The following UPK3B variants were observed in gnomAD, a reference collection of about 807,000 sequenced individuals.
UPK3B encodes the protein uroplakin-3b.
UPK3B carries 21 observed loss-of-function variants against 27.6 expected under a neutral mutation model. That is an observed-to-expected ratio of 0.76 (90% CI 0.54 to 1.10). The LOEUF is 1.10. Ranked by LOEUF, UPK3B falls within the 50% of genes least tolerant of loss-of-function variation. The pLI is 0.00. For synonymous variants in UPK3B, 141 were observed against 162.3 expected (o/e 0.87, Z 1.00); for missense variants, 306 against 376.1 (o/e 0.81, Z 1.54).
At chr7:76,513,204 C>T (rs374633537) in intron 4 of UPK3B, 41 bp downstream of exon 4, 30 of 1,579,556 alleles carry the variant, frequency 1.9e-5, no homozygotes, top group East Asian at 4.5e-5. Flanking sequence ...AGTGGACTCA[C>T]GATCTCTCTG....
chr7:76,510,689 C>G lies in UPK3B; in HGVS notation c.37C>G (p.Gln13Glu). 6.7e-7 allele frequency: 1 copy of G among 1,502,242 alleles called. No homozygotes were observed. The highest frequency in any genetic ancestry group is 8.9e-7 in the Non-Finnish European group (1 of 1,123,320). The allele number at this position is 1,502,242 out of a possible 1,614,324, so 93.1% of individuals were successfully genotyped here. A position where few individuals can be genotyped will look rare whatever the true frequency, so the allele number is the denominator to read the frequency against. The change falls in exon 1 of 6, where the codon CAG (glutamine) becomes GAG (glutamate). Residue 13 changes from glutamine (Q) to glutamate (E), a missense_variant. Around this residue, in one of 4 missense-constraint regions of UPK3B, gnomAD observed 33 missense variants for 30.9 expected, o/e 1.07. Coordinates refer to ENST00000334348, the MANE Select transcript of UPK3B (RefSeq NM_001347684.2). ...CTGGGGGCAGCCTCACCTAGGGCTG[C>G]AGATGCTCCTCCTGGCGTTGAACTG... ...LPWGQPHLGL[Q>E]MLLLALNCLR...
intron 5 of UPK3B, 130 bp from the exon 6 acceptor site, chr7:76,514,905 CAAAAAAAAAA>C: frequency 4.1e-6 from 4 of 970,222 alleles, no homozygotes; most frequent in Non-Finnish European, 5.6e-6. Context: ...GACTCCATCT[CAAAAAAAAAA>C]AAAAAAAAAG....
chr7:76,514,987 C>T, intron 5 of UPK3B, 58 bp from the exon 6 acceptor site: 1 of 1,537,324 alleles, frequency 6.5e-7, no homozygotes, highest in Middle Eastern at 1.7e-4. Flanking sequence ...GGCCTTGACC[C>T]AGCACGTGCC....
Position 76,510,982 on chromosome 7 carries a change from G to A in UPK3B, c.165G>A (p.Gln55=), listed in dbSNP as rs544707696. 383 of 1,583,350 alleles carry A rather than the reference G, an allele frequency of 2.4e-4. 4 individuals carry two copies. The South Asian group carries it at 4.1e-3, about 17-fold the overall frequency. The part of the protein sequence containing the change: ...KVTATTFSLE[Q]PRCVFDGLAS... ...CAGCCACCACCTTCTCCCTGGAGCA[G>A]CCGCGCTGTGTCTTCGATGGGCTTG... Residue 55 remains glutamine, a synonymous_variant, in exon 2 of 6, where the codon CAG becomes CAA. Transcript: ENST00000334348.
intron 3 of UPK3B, 54 bp from the exon 4 acceptor site, chr7:76,513,030 G>A: frequency 6.6e-7 from 1 of 1,505,356 alleles, no homozygotes; most frequent in Non-Finnish European, 9.1e-7. Context: ...CCTGCCCAGG[G>A]TGGTCCCAGC....
chr7:76,511,013 G>C lies in UPK3B; in HGVS notation c.196G>C (p.Ala66Pro). 6.3e-7 allele frequency: 1 copy of C among 1,598,584 alleles called. No homozygotes were observed. The highest frequency in any genetic ancestry group is 8.5e-7 in the Non-Finnish European group (1 of 1,173,300). ...CTGTGTCTTCGATGGGCTTGCCAGCGCCAGCGATACCGTCTGGCTCGTGGT... is the reference window on the plus strand; with the variant it reads ...CTGTGTCTTCGATGGGCTTGCCAGCCCCAGCGATACCGTCTGGCTCGTGGT... ...PRCVFDGLASASDTVWLVVAF... is the reference protein window; with the variant it reads ...PRCVFDGLASPSDTVWLVVAF... Residue 66 changes from alanine to proline, a missense_variant, in exon 2 of 6, where the codon GCC (alanine) becomes CCC (proline). By Grantham distance (27) the Ala-to-Pro change is conservative. Transcript: ENST00000334348.
intron 4 of UPK3B, among the ~76,000 whole-genome samples, chr7:76,513,532 A>G (rs1242742574): frequency 6.6e-6 from 1 of 151,962 alleles, no homozygotes; most frequent in African/African-American, 2.4e-5. Flanking sequence ...AGCAGACCCC[A>G]AGGGGCAAGC....
At chr7:76,514,488 C>T (rs545938235) in intron 5 of UPK3B, among the ~76,000 whole-genome samples, 17 of 152,294 alleles carry the variant, frequency 1.1e-4, no homozygotes, top group African/African-American at 3.1e-4. Flanking sequence ...CTTCTCCTCC[C>T]GGGCCTCACC....
rs750533598 is a variant in UPK3B, at chr7:76,510,751, C to G, written c.85+14C>G. The G allele has an allele frequency of 6.5e-6, 10 of 1,541,694 alleles. No individual in the cohort carries two copies. The highest frequency in any genetic ancestry group is 8.8e-6 in the Non-Finnish European group (10 of 1,141,516). ...GCCTGAGCCTGGGTGAGTGGGGGTCCTGGATGGACGCGTCCAGCCAGACCC... is the reference window on the plus strand; with the variant it reads ...GCCTGAGCCTGGGTGAGTGGGGGTCGTGGATGGACGCGTCCAGCCAGACCC... On this transcript the variant is annotated intron_variant, in intron 1 of 5. Coordinates refer to ENST00000334348, the MANE Select transcript of UPK3B (RefSeq NM_001347684.2).
At position 76,514,006 on chromosome 7, in the gene UPK3B, A is replaced by G. The variant is rs148736237; in HGVS notation, c.601A>G (p.Ile201Val). 15 of 1,613,698 alleles carry G rather than the reference A, an allele frequency of 9.3e-6. No homozygotes were observed. In the East Asian group the frequency reaches 1.8e-4, roughly 19 times the overall value. ...PGRRSGSMIV[I>V]TSILSSLAGL... ...GCGGCGAAGTGGCAGCATGATCGTCATTACCTCCATCCTCTCTTCTCTGGC... is the reference window on the plus strand; with the variant it reads ...GCGGCGAAGTGGCAGCATGATCGTCGTTACCTCCATCCTCTCTTCTCTGGC... Residue 201 changes from isoleucine (I) to valine (V), a missense_variant, in exon 5 of 6, where the codon ATT (isoleucine) becomes GTT (valine). This residue lies in a region of UPK3B where 174 missense variants were observed against 166.6 expected (regional missense o/e 1.04). Coordinates refer to ENST00000334348, the MANE Select transcript of UPK3B (RefSeq NM_001347684.2).
intron 5 of UPK3B, 21 bp downstream of exon 5, chr7:76,514,097 G>A (rs926141308): frequency 2.9e-5 from 46 of 1,613,504 alleles, no homozygotes; most frequent in Non-Finnish European, 3.6e-5. Context: ...ACACCCCCTC[G>A]GGCCCCTCTC....
At chr7:76,513,206 A>G (rs1365335218) in intron 4 of UPK3B, 43 bp downstream of exon 4, 1 of 1,581,112 alleles carries the variant, frequency 6.3e-7, no homozygotes, top group African/African-American at 1.3e-5. Context: ...TGGACTCACG[A>G]TCTCTCTGGG....
At chr7:76,514,323 G>C (rs980168651) in intron 5 of UPK3B, among the ~76,000 whole-genome samples, 5 of 152,124 alleles carry the variant, frequency 3.3e-5, no homozygotes, top group African/African-American at 1.2e-4. Context: ...TTCGAGCTGG[G>C]CAGCGCCCCT....
At chr7:76,513,846 T>G in intron 4 of UPK3B, 101 bp from the exon 5 acceptor site, 1 of 1,569,390 alleles carries the variant, frequency 6.4e-7, no homozygotes, top group Non-Finnish European at 8.7e-7. Context: ...CAGCCAGACC[T>G]TGAAGCTAGG....
chr7:76,513,160 C>G lies in UPK3B; in HGVS notation c.538C>G (p.Gln180Glu), dbSNP rs1285348977. 14 of 1,613,512 alleles carry G rather than the reference C, an allele frequency of 8.7e-6. 1 individual carries two copies. The highest frequency in any genetic ancestry group is 1.2e-5 in the Non-Finnish European group (14 of 1,179,802). ...GTGGTCAGACCCCATCACTCTCCAC[C>G]AAGGTAGCGCTGGGCAGGAGGGGCG... is the stretch of plus-strand genomic sequence containing the variant. Reference protein sequence around the residue: ...TKWSDPITLHQGKTPGSIDTW... With the variant: ...TKWSDPITLHEGKTPGSIDTW... Residue 180 changes from glutamine to glutamate, a missense_variant, in exon 4 of 6, where the codon CAA (glutamine) becomes GAA (glutamate). Around this residue, in one of 4 missense-constraint regions of UPK3B, gnomAD observed 174 missense variants for 166.6 expected, o/e 1.04. Transcript: ENST00000334348.
rs1584277470 is a variant in UPK3B, at chr7:76,516,432, C to T, written c.*1228C>T. On this transcript the variant is annotated 3_prime_UTR_variant, in exon 6 of 6. Transcript: ENST00000334348. ...GACCTTCTAATGTGACCACGGCTCC[C>T]GGCATGCAGGCCCTGCCAGCGGAGG... 1.3e-5 allele frequency: 8 copies of T among 612,292 alleles called. 3 individuals carry two copies. The South Asian group carries it at 6.1e-4, about 47-fold the overall frequency. The allele number at this position is 612,292 out of a possible 1,614,324, so 37.9% of individuals were successfully genotyped here.
intron 5 of UPK3B, 31 bp downstream of exon 5, chr7:76,514,107 C>T (rs372305192): frequency 1.2e-5 from 19 of 1,613,750 alleles, no homozygotes; most frequent in Non-Finnish European, 1.6e-5. Flanking sequence ...GGGCCCCTCT[C>T]CCACCCAGAA....
In UPK3B at chr7:76,515,281, C is replaced by A. The variant is rs746154158; in HGVS notation, c.*77C>A. On this transcript the variant is annotated 3_prime_UTR_variant, in exon 6 of 6. Transcript: ENST00000334348. ...ATGGTGCTTTGTCCCAGCTCCTGCA[C>A]CCACAGGCCCCCTCAGGGCTCCTTG... The A allele has an allele frequency of 7.5e-5, 116 of 1,543,740 alleles. No individual in the cohort carries two copies. Among genetic ancestry groups the A allele is most frequent in the Non-Finnish European group, 9.9e-5 (113 of 1,143,090 alleles).
rs768946440 is a variant in UPK3B at position 76,510,761 on chromosome 7, G to A, written c.85+24G>A. The A allele has an allele frequency of 1.4e-5, 21 of 1,549,028 alleles. No homozygotes were observed. The highest frequency in any genetic ancestry group is 2.7e-5 in the African/African-American group (2 of 73,326). ...GGGTGAGTGGGGGTCCTGGATGGAC[G>A]CGTCCAGCCAGACCCAAGGGGCTGG... On this transcript the variant is annotated intron_variant, in intron 1 of 5. Coordinates refer to ENST00000334348, the MANE Select transcript of UPK3B (RefSeq NM_001347684.2).
Sources: gnomAD v4.1 joint callset for allele counts (sites outside exome capture counted in the v4.1 genomes callset) on GRCh38, gnomAD v4.1.1 for gene constraint, gnomAD v4.1.1 regional missense constraint, MANE v1.5 for transcripts, NCBI Gene and HGNC (gene_info 2026-07-23, HGNC 2026-07-21) for gene names.